Variants in TRIM44 observed in about 807,000 individuals in gnomAD.
TRIM44 encodes tripartite motif-containing protein 44.
Under a neutral mutation model 37.4 loss-of-function variants are expected in TRIM44, and 13 were observed. That is an observed-to-expected ratio of 0.35 (90% CI 0.23 to 0.55). The LOEUF (loss-of-function observed/expected upper bound fraction) is 0.55, where lower values mean the gene tolerates loss of function less well. Ranked by LOEUF, TRIM44 falls within the 20% of genes least tolerant of loss-of-function variation. The probability of loss-of-function intolerance (pLI) is 0.89; values close to 1 mark genes in which losing one functional copy is unlikely to be tolerated. For missense variants in TRIM44, 426 were observed against 437.2 expected, an observed-to-expected ratio of 0.97 and a Z score of 0.23; for synonymous variants, 175 against 157.2, an observed-to-expected ratio of 1.11 and a Z score of -0.85.
intron 2 of TRIM44, among the ~76,000 whole-genome samples, chr11:35,718,573 C>T (rs1267431413): frequency 1.3e-5 from 2 of 152,138 alleles, no homozygotes; most frequent in Non-Finnish European, 2.9e-5. Flanking sequence ...GCTCTACTGA[C>T]ATATCATTAT....
At chr11:35,729,153 A>G (rs1852221235) in intron 3 of TRIM44, among the ~76,000 whole-genome samples, 1 of 152,074 alleles carries the variant, frequency 6.6e-6, no homozygotes. Context: ...ACAAACTGGA[A>G]ACACTAATAC....
chr11:35,723,648 C>T (rs1172471412), intron 2 of TRIM44, among the ~76,000 whole-genome samples: 2 of 152,196 alleles, frequency 1.3e-5, no homozygotes, highest in Admixed American at 1.3e-4. Flanking sequence ...GACTCATTCA[C>T]CTGCTGCAGT....
intron 1 of TRIM44, among the ~76,000 whole-genome samples, chr11:35,683,675 A>G (rs1851543826): frequency 6.6e-6 from 1 of 151,960 alleles, no homozygotes; most frequent in Non-Finnish European, 1.5e-5. Context: ...GAATGTTCCT[A>G]CCTATCTGAT....
chr11:35,747,423 A>G (rs1213998048), intron 4 of TRIM44, among the ~76,000 whole-genome samples: 6 of 152,164 alleles, frequency 3.9e-5, no homozygotes, highest in Non-Finnish European at 8.8e-5. Flanking sequence ...AAGTGACTCA[A>G]CCTGGATTAG....
chr11:35,707,351 T>C (rs1217723883), intron 2 of TRIM44, among the ~76,000 whole-genome samples: 3 of 152,124 alleles, frequency 2.0e-5, no homozygotes, highest in African/African-American at 2.4e-5. Flanking sequence ...AGGTAATTTA[T>C]AGATTCAATG....
At chr11:35,777,924 A>G (rs1040552929) in intron 4 of TRIM44, among the ~76,000 whole-genome samples, 18 of 152,054 alleles carry the variant, frequency 1.2e-4, no homozygotes, top group Non-Finnish European at 5.9e-5. Flanking sequence ...GAGTCTGACA[A>G]TTATGTGTCT....
At chr11:35,746,952 G>A (rs1590564507) in intron 4 of TRIM44, among the ~76,000 whole-genome samples, 1 of 152,178 alleles carries the variant, frequency 6.6e-6, no homozygotes, top group East Asian at 1.9e-4. Context: ...TTCTTGGTGA[G>A]TACATGTCTT....
intron 2 of TRIM44, among the ~76,000 whole-genome samples, chr11:35,720,496 TA>T (rs1170241251): frequency 1.3e-5 from 2 of 152,104 alleles, no homozygotes; most frequent in African/African-American, 4.8e-5. Context: ...AAGACAGTTT[TA>T]TTTCTTCTTT....
At chr11:35,789,365 T>C (rs553811672) in intron 4 of TRIM44, among the ~76,000 whole-genome samples, 57 of 152,328 alleles carry the variant, frequency 3.7e-4, no homozygotes, top group African/African-American at 1.3e-3. Context: ...GACACAGCAA[T>C]ATGTCATGAA....
At chr11:35,738,450 T>A (rs538079025) in intron 4 of TRIM44, among the ~76,000 whole-genome samples, 1 of 152,276 alleles carries the variant, frequency 6.6e-6, no homozygotes, top group South Asian at 2.1e-4. Context: ...AGTTGACGGA[T>A]CCCTTTTTGG....
At chr11:35,795,153 C>T (rs1055398126) in intron 4 of TRIM44, among the ~76,000 whole-genome samples, 10 of 151,870 alleles carry the variant, frequency 6.6e-5, no homozygotes, top group Non-Finnish European at 1.2e-4. Context: ...AGAAAGCCAG[C>T]GTGGCTGGAA....
At chr11:35,795,212 G>C (rs1030209405) in intron 4 of TRIM44, among the ~76,000 whole-genome samples, 1 of 152,134 alleles carries the variant, frequency 6.6e-6, no homozygotes, top group Non-Finnish European at 1.5e-5. Context: ...AAGCATGTAG[G>C]AATCTGTGGG....
chr11:35,728,167 A>G (rs1345044450), intron 3 of TRIM44, among the ~76,000 whole-genome samples: 2 of 152,244 alleles, frequency 1.3e-5, no homozygotes, highest in East Asian at 3.9e-4. Flanking sequence ...CTGTACTAAA[A>G]ATAGAAAAAT....
At chr11:35,752,128 C>A (rs567449978) in intron 4 of TRIM44, among the ~76,000 whole-genome samples, 1 of 151,920 alleles carries the variant, frequency 6.6e-6, no homozygotes, top group African/African-American at 2.4e-5. Flanking sequence ...GGCCAGTAGC[C>A]GAGGAATTAT....
chr11:35,769,452 C>A (rs1428466708), intron 4 of TRIM44, among the ~76,000 whole-genome samples: 1 of 152,138 alleles, frequency 6.6e-6, no homozygotes, highest in Non-Finnish European at 1.5e-5. Context: ...CACAGTCTAG[C>A]CTTGTTTCTT....
rs188509599 is a variant in TRIM44 at position 35,761,562 on chromosome 11, A to T, written c.1007+26117A>T. 1.8e-3 allele frequency among the ~76,000 whole-genome samples: 281 copies of T among 152,348 alleles called. 2 individuals carry two copies. The highest frequency in any genetic ancestry group is 6.5e-3 in the African/African-American group (270 of 41,584). ...TGTGACAGACACTGTTAAGGGTGTT[A>T]CCTGTCATAATTCCATTTAATCCTT... On this transcript the variant is annotated intron_variant, in intron 4 of 4. Coordinates refer to ENST00000299413, the MANE Select transcript of TRIM44 (RefSeq NM_017583.6).
At chr11:35,699,243 G>A (rs1181116247) in intron 2 of TRIM44, among the ~76,000 whole-genome samples, 1 of 152,050 alleles carries the variant, frequency 6.6e-6, no homozygotes, top group Non-Finnish European at 1.5e-5. Context: ...TGTTCTTTTG[G>A]CTTAGGATTG....
chr11:35,763,535 A>C (rs1852755244), intron 4 of TRIM44, among the ~76,000 whole-genome samples: 1 of 152,132 alleles, frequency 6.6e-6, no homozygotes, highest in Non-Finnish European at 1.5e-5. Context: ...TCTGGCCTTG[A>C]GTTTTGAACA....
At chr11:35,678,641 C>T (rs1466956829) in intron 1 of TRIM44, among the ~76,000 whole-genome samples, 8 of 151,192 alleles carry the variant, frequency 5.3e-5, no homozygotes, top group Admixed American at 5.3e-4. Context: ...TAGACAGTGT[C>T]TCACTCTGTT....
Sources: allele counts gnomAD v4.1 joint callset (sites outside exome capture counted in the v4.1 genomes callset), GRCh38; gene constraint gnomAD v4.1.1; transcripts MANE v1.5; gene names NCBI Gene and HGNC (gene_info 2026-07-23, HGNC 2026-07-21).